The following TRAPPC3 variants were observed in gnomAD, a reference collection of about 807,000 sequenced individuals.
TRAPPC3 encodes trafficking protein particle complex subunit 3.
In TRAPPC3, 5 loss-of-function variants were observed where a neutral mutation model predicts 18.2. That is an observed-to-expected ratio of 0.28 (90% CI 0.14 to 0.58). The LOEUF is 0.58. Ranked by LOEUF, TRAPPC3 falls within the 20% of genes least tolerant of loss-of-function variation. The pLI is 0.91. For synonymous variants in TRAPPC3, 65 were observed against 84.2 expected (o/e 0.77, Z 1.25); for missense variants, 176 against 225.9 (o/e 0.78, Z 1.41).
intron 3 of TRAPPC3, chr1:36,138,356 CCT>C: frequency 2.6e-6 from 3 of 1,157,246 alleles, no homozygotes; most frequent in South Asian, 1.5e-5. Flanking sequence ...ACTTCTCTGT[CCT>C]CTGTCTGTGC....
chr1:36,144,276 G>A (rs374412739), intron 1 of TRAPPC3, among the ~76,000 whole-genome samples: 23 of 82,364 alleles, frequency 2.8e-4, no homozygotes, highest in Admixed American at 6.3e-4. Flanking sequence ...AGACAAGAGC[G>A]AAACCCTGTC....
At chr1:36,141,958 CAAAAAAAAAAAAAA>C (rs71053907) in intron 1 of TRAPPC3, among the ~76,000 whole-genome samples, 30 of 64,122 alleles carry the variant, frequency 4.7e-4, no homozygotes, top group African/African-American at 1.7e-3. Context: ...ATTCCGTCTC[CAAAAAAAAAAAAAA>C]AAAAAAAAAA....
In TRAPPC3 at chr1:36,137,017, G is replaced by C. The variant is rs1027599020; in HGVS notation, c.*186C>G. The C allele has an allele frequency of 6.9e-6, 4 of 578,928 alleles. No homozygotes were observed. In the African/African-American group the frequency reaches 7.5e-5, roughly 11 times the overall value. 35.9% of individuals were successfully genotyped at this position (578,928 alleles called of 1,614,324 possible). A position where few individuals can be genotyped will look rare whatever the true frequency, so the allele number is the denominator to read the frequency against. The stretch of plus-strand genomic sequence containing the variant: ...GGGGCAGAGACTGTCGCTCCTGAAT[G>C]TGCACACATGGGGTAAATGGACTAT... On this transcript the variant is annotated 3_prime_UTR_variant, in exon 5 of 5. Coordinates refer to ENST00000373166, the MANE Select transcript of TRAPPC3 (RefSeq NM_014408.5).
chr1:36,144,289 C>CAAAAAAAAAAAAAAAAA (rs58378686), intron 1 of TRAPPC3, among the ~76,000 whole-genome samples: 1 of 57,482 alleles, frequency 1.7e-5, no homozygotes, highest in Non-Finnish European at 2.8e-5. Context: ...ACCCTGTCTC[C>CAAAAAAAAAAAAAAAAA]AAAAAAAAAA....
In TRAPPC3 at chr1:36,137,416, C is replaced by G; in HGVS notation, c.424-94G>C. ...GGCATAACTGACTCATCCACAGCAT[C>G]CAAAAAAGGGGGGCTGGTTTCCCAC... On this transcript the variant is annotated intron_variant, in intron 4 of 4. Transcript: ENST00000373166. 3 of 1,332,736 alleles carry G rather than the reference C, an allele frequency of 2.3e-6. No homozygotes were observed. In the South Asian group the frequency reaches 4.1e-5, roughly 18 times the overall value. The allele number at this position is 1,332,736 out of a possible 1,614,324, so 82.6% of individuals were successfully genotyped here.
upstream of TRAPPC3, among the ~76,000 whole-genome samples, chr1:36,152,058 T>G (rs1026741274): frequency 6.6e-6 from 1 of 152,140 alleles, no homozygotes; most frequent in Non-Finnish European, 1.5e-5. Flanking sequence ...TGGGTGCCTA[T>G]TCTCTCCTCT....
Position 36,142,456 on chromosome 1 carries a change from AG to A in TRAPPC3, c.43-2291del, listed in dbSNP as rs1241199639. 3.3e-5 allele frequency among the ~76,000 whole-genome samples: 5 copies of A among 152,328 alleles called. No individual in the cohort carries two copies. In the East Asian group the frequency reaches 9.6e-4, roughly 29 times the overall value. ...CTTGGATGGAGACTCCAAGAGCCTC[AG>A]GCCACCATGATGCCAAGTAACAAGC... On this transcript the variant is annotated intron_variant, in intron 1 of 4. Coordinates refer to ENST00000373166, the MANE Select transcript of TRAPPC3 (RefSeq NM_014408.5).
At chr1:36,147,396 A>G (rs932968952) in intron 1 of TRAPPC3, among the ~76,000 whole-genome samples, 1 of 152,006 alleles carries the variant, frequency 6.6e-6, no homozygotes, top group African/African-American at 2.4e-5. Flanking sequence ...TAATTTGTGA[A>G]GCAGAGTTGG....
rs371796107 is a variant in TRAPPC3 at position 36,142,650 on chromosome 1, T to A, written c.43-2484A>T. ...TCCATACCCTCTCTTGATTTGCAAGTCTATCTTCATCTTCAATTACGAACC... is the reference window on the plus strand; with the variant it reads ...TCCATACCCTCTCTTGATTTGCAAGACTATCTTCATCTTCAATTACGAACC... On this transcript the variant is annotated intron_variant, in intron 1 of 4. Coordinates refer to ENST00000373166, the MANE Select transcript of TRAPPC3 (RefSeq NM_014408.5). Among the ~76,000 whole-genome samples the A allele has an allele frequency of 2.6e-5, 4 of 152,198 alleles. No individual in the cohort carries two copies. In the East Asian group the frequency reaches 5.8e-4, roughly 22 times the overall value.
chr1:36,151,508 G>A (rs1221134024), upstream of TRAPPC3, among the ~76,000 whole-genome samples: 1 of 152,124 alleles, frequency 6.6e-6, no homozygotes, highest in Non-Finnish European at 1.5e-5. Flanking sequence ...CTACTAGGAA[G>A]GTTAAGGTGG....
chr1:36,137,732 T>C, intron 4 of TRAPPC3, 64 bp downstream of exon 4: 2 of 1,517,102 alleles, frequency 1.3e-6, no homozygotes, highest in Non-Finnish European at 1.8e-6. Context: ...CTTTCATTCA[T>C]TTAAACACTT....
At chr1:36,140,332 A>G (rs2147448) in intron 1 of TRAPPC3, 166 bp from the exon 2 acceptor site, 31,820 of 485,542 alleles carry the variant, frequency 0.066, 3,852 homozygotes, top group East Asian at 0.32. Context: ...CTGCAAGGTC[A>G]AAGCAGCAGG....
At chr1:36,149,864 T>C (rs1204763743), upstream of TRAPPC3, among the ~76,000 whole-genome samples, 1 of 152,242 alleles carries the variant, frequency 6.6e-6, no homozygotes, top group African/African-American at 2.4e-5. Context: ...CTGTTGCGAT[T>C]CAGCTCCAGA....
chr1:36,149,547 T>G (rs2231309), upstream of TRAPPC3: 1,038 of 784,500 alleles, frequency 1.3e-3, 3 homozygotes, highest in Non-Finnish European at 1.9e-3. Flanking sequence ...CCGGCCGACG[T>G]GGGCAACTCC....
intron 1 of TRAPPC3, chr1:36,149,085 T>C: frequency 3.6e-6 from 5 of 1,400,664 alleles, no homozygotes; most frequent in Non-Finnish European, 4.6e-6. Context: ...TTATTGGTAT[T>C]TATTACCGTC....
chr1:36,149,649 G>A, upstream of TRAPPC3: 1 of 553,872 alleles, frequency 1.8e-6, no homozygotes, highest in Non-Finnish European at 3.3e-6. Context: ...AGTGCTCCGC[G>A]CGCGCCTGCC....
In TRAPPC3 at chr1:36,137,936, T is replaced by C; in HGVS notation, c.283A>G (p.Asn95Asp). The C allele has an allele frequency of 6.2e-7, 1 of 1,614,076 alleles. No individual in the cohort carries two copies. Among genetic ancestry groups the C allele is most frequent in the Non-Finnish European group, 8.5e-7 (1 of 1,180,002 alleles). ...AATTCATCACCAGCTGGGCTCCAAT[T>C]AGTAATGCTTGGAGTGATGCCCAAG... ...MYLGITPSIT[N>D]WSPAGDEFSL... Residue 95 changes from asparagine (N) to aspartate (D), a missense_variant, in exon 4 of 5, where the codon AAT becomes GAT. This residue lies in a region of TRAPPC3 where 147 missense variants were observed against 164.3 expected (regional missense o/e 0.89). Transcript: ENST00000373166.
chr1:36,143,082 T>C (rs1312207212), intron 1 of TRAPPC3, among the ~76,000 whole-genome samples: 2 of 152,124 alleles, frequency 1.3e-5, no homozygotes, highest in African/African-American at 2.4e-5. Flanking sequence ...GAATGGGCTA[T>C]AGTATAATGA....
chr1:36,145,835 G>A (rs1423528623), intron 1 of TRAPPC3, among the ~76,000 whole-genome samples: 7 of 152,126 alleles, frequency 4.6e-5, no homozygotes, highest in Admixed American at 2.0e-4. Flanking sequence ...GTGCAGTAGC[G>A]CGATCTCGGC....
Sources: gnomAD v4.1 joint callset for allele counts (sites outside exome capture counted in the v4.1 genomes callset) on GRCh38, gnomAD v4.1.1 for gene constraint, gnomAD v4.1.1 regional missense constraint, MANE v1.5 for transcripts, NCBI Gene and HGNC (gene_info 2026-07-23, HGNC 2026-07-21) for gene names.